The following ESYT1 variants were observed in gnomAD, a reference collection of about 807,000 sequenced individuals.
The protein encoded by ESYT1 is extended synaptotagmin 1, also known as extended synaptotagmin-1.
A neutral mutation model predicts 154.2 loss-of-function variants in ESYT1; 116 were observed. The observed-to-expected ratio is 0.75, with a 90% confidence interval of 0.65 to 0.88. The LOEUF is 0.88. Ranked by LOEUF, ESYT1 falls within the 40% of genes least tolerant of loss-of-function variation. The pLI is 0.00. For synonymous variants in ESYT1, 500 were observed against 539.9 expected (o/e 0.93, Z 1.02); for missense variants, 1,264 against 1,379.3 (o/e 0.92, Z 1.32).
chr12:56,137,708 G>C (rs1446661048), intron 18 of ESYT1, 33 bp downstream of exon 18: 19 of 1,610,156 alleles, frequency 1.2e-5, no homozygotes, highest in African/African-American at 1.3e-5. Flanking sequence ...TCCTGGTTCT[G>C]CCCCATTTTT....
At chr12:56,140,148 G>A (rs757339157) in intron 24 of ESYT1, among the ~76,000 whole-genome samples, 8 of 152,072 alleles carry the variant, frequency 5.3e-5, no homozygotes, top group African/African-American at 1.7e-4. Flanking sequence ...GATTACAAGC[G>A]TGAGAACCGC....
intron 30 of ESYT1, 36 bp downstream of exon 30, chr12:56,143,665 T>G (rs1413597391): frequency 6.2e-7 from 1 of 1,613,708 alleles, no homozygotes; most frequent in Non-Finnish European, 8.5e-7. Context: ...GGTCTGGATA[T>G]TTCAGTGGGA....
Position 56,137,533 on chromosome 12 carries a change from AC to A in ESYT1, c.1975del (p.Leu659Ter). 4 of 1,613,982 alleles carry A rather than the reference AC, an allele frequency of 2.5e-6. No homozygotes were observed. Among genetic ancestry groups the A allele is most frequent in the Non-Finnish European group, 3.4e-6 (4 of 1,179,970 alleles). On this transcript the variant is annotated frameshift_variant, in exon 18 of 31. Transcript: ENST00000394048. LOFTEE classifies it high-confidence loss of function. Reference sequence around the variant, plus strand: ...CGGATCCATGTATTAGAGGCCCAGGACCTGATTGCCAAAGACCGTTTCTTGG... The same window carrying A: ...CGGATCCATGTATTAGAGGCCCAGGACTGATTGCCAAAGACCGTTTCTTGG... ...VLRIHVLEAQDLIAKDRFLGG... is the reference protein window; with the variant it reads ...VLRIHVLEAQXLIAKDRFLGG...
rs755577038 is a variant in ESYT1, at chr12:56,137,479, C to T, written c.1939-20C>T. 3.1e-6 allele frequency: 5 copies of T among 1,605,542 alleles called. No individual in the cohort carries two copies. The East Asian group carries it at 8.9e-5, about 29-fold the overall frequency. ...GTCTCTCTCCCTTTGCCATCTGGCA[C>T]CCCCCCGTCCCTTTTGCAGCATGTG... On this transcript the variant is annotated intron_variant, in intron 17 of 30. Coordinates refer to ENST00000394048, the MANE Select transcript of ESYT1 (RefSeq NM_015292.3).
chr12:56,128,730 C>T (rs994380980), intron 1 of ESYT1, 21 bp downstream of exon 1: 1 of 1,611,802 alleles, frequency 6.2e-7, no homozygotes, highest in African/African-American at 1.3e-5. Context: ...ACCCTCGGTC[C>T]TCTGTGCAGC....
intron 1 of ESYT1, among the ~76,000 whole-genome samples, chr12:56,129,922 T>C (rs1013949717): frequency 6.6e-6 from 1 of 151,988 alleles, no homozygotes; most frequent in African/African-American, 2.4e-5. Context: ...AGGGGACTTT[T>C]TTTTTTTTCT....
At chr12:56,131,671 C>G in intron 6 of ESYT1, 78 bp from the exon 7 acceptor site, 1 of 1,604,000 alleles carries the variant, frequency 6.2e-7, no homozygotes, top group Non-Finnish European at 8.5e-7. Context: ...ACAAGAAGGC[C>G]GAGGGGTTCT....
At position 56,134,435 on chromosome 12, in the gene ESYT1, T is replaced by C. The variant is rs770852361; in HGVS notation, c.1632+7T>C. 4 of 1,612,744 alleles carry C rather than the reference T, an allele frequency of 2.5e-6. No individual in the cohort carries two copies. The highest frequency in any genetic ancestry group is 3.4e-6 in the Non-Finnish European group (4 of 1,178,792). On this transcript the variant is annotated splice_region_variant and intron_variant, in intron 15 of 30. Coordinates refer to ENST00000394048, the MANE Select transcript of ESYT1 (RefSeq NM_015292.3). ...CCAGGAGCTCGATGTGCAAGTGAGATAATCACCTCTTCATCCCCTCCCGAA... is the reference window on the plus strand; with the variant it reads ...CCAGGAGCTCGATGTGCAAGTGAGACAATCACCTCTTCATCCCCTCCCGAA...
rs182354711 is a variant in ESYT1, at chr12:56,137,535, C to T, written c.1975C>T (p.Leu659=). ...GATCCATGTATTAGAGGCCCAGGACCTGATTGCCAAAGACCGTTTCTTGGG... is the reference window on the plus strand; with the variant it reads ...GATCCATGTATTAGAGGCCCAGGACTTGATTGCCAAAGACCGTTTCTTGGG... ...LRIHVLEAQD[L]IAKDRFLGGL... is the part of the protein sequence containing the mutation. The change falls in exon 18 of 31, where the codon CTG becomes TTG. Residue 659 remains leucine (L), a synonymous_variant. Transcript: ENST00000394048. 9.2e-5 allele frequency: 148 copies of T among 1,614,094 alleles called. No individual in the cohort carries two copies. The Admixed American group carries it at 2.3e-3, about 25-fold the overall frequency.
Position 56,142,680 on chromosome 12 carries a change from C to T in ESYT1, c.2836C>T (p.His946Tyr), listed in dbSNP as rs1322833943. The T allele has an allele frequency of 6.2e-7, 1 of 1,614,104 alleles. No homozygotes were observed. The highest frequency in any genetic ancestry group is 1.1e-5 in the South Asian group (1 of 91,086). ...ACCAGAGCTCTCGGGGGGACCCCCTCACATCACCTCCTCAGCCCCAGAGCT... is the reference window on the plus strand; with the variant it reads ...ACCAGAGCTCTCGGGGGGACCCCCTTACATCACCTCCTCAGCCCCAGAGCT... ...EEPELSGGPP[H>Y]ITSSAPELRQ... is the part of the protein sequence containing the mutation. Residue 946 changes from histidine to tyrosine, a missense_variant, in exon 26 of 31, where the codon CAC (histidine) becomes TAC (tyrosine). Transcript: ENST00000394048. This position sits in a 1 kb window ranked among gnomAD's most constrained non-coding sequence, Gnocchi z 4.1.
chr12:56,133,350 G>T, intron 10 of ESYT1, 67 bp from the exon 11 acceptor site: 1 of 1,585,374 alleles, frequency 6.3e-7, no homozygotes, highest in South Asian at 1.1e-5. Flanking sequence ...GAGGGCCACT[G>T]ACATGCTGCT....
At chr12:56,130,244 T>C in intron 1 of ESYT1, 1 of 408,074 alleles carries the variant, frequency 2.5e-6, no homozygotes, top group East Asian at 4.6e-5. Context: ...CAGGATTCCC[T>C]CAAACTCCAA....
In ESYT1 at chr12:56,142,516, C is replaced by T. The variant is rs965482553; in HGVS notation, c.2734-62C>T. On this transcript the variant is annotated intron_variant, in intron 25 of 30. Coordinates refer to ENST00000394048, the MANE Select transcript of ESYT1 (RefSeq NM_015292.3). This position sits in a 1 kb window ranked among gnomAD's most constrained non-coding sequence, Gnocchi z 4.1. ...ACCCAGGAGGGTGGGAACAGAGGGC[C>T]GTGTCCTTAGAGTGAGGGAACTGAG... is the stretch of plus-strand genomic sequence containing the variant. 1.4e-5 allele frequency: 22 copies of T among 1,611,206 alleles called. No homozygotes were observed. The highest frequency in any genetic ancestry group is 2.7e-5 in the African/African-American group (2 of 74,846).
At position 56,142,833 on chromosome 12, in the gene ESYT1, A is replaced by G. The variant is rs1870761907; in HGVS notation, c.2889-2A>G. The G allele has an allele frequency of 6.2e-7, 1 of 1,614,188 alleles. No individual in the cohort carries two copies. Among genetic ancestry groups the G allele is most frequent in the Non-Finnish European group, 8.5e-7 (1 of 1,180,022 alleles). On this transcript the variant is annotated splice_acceptor_variant, in intron 26 of 30. Transcript: ENST00000394048. LOFTEE classifies it high-confidence loss of function. This position sits in a 1 kb window ranked among gnomAD's most constrained non-coding sequence, Gnocchi z 4.1. Reference sequence around the variant, plus strand: ...CCCAGACCTACTGATATTTCTCCACAGTCCCCTTGAGGCTCCAGCCGGGCC... The same window carrying G: ...CCCAGACCTACTGATATTTCTCCACGGTCCCCTTGAGGCTCCAGCCGGGCC...
rs1194945304 is a variant in ESYT1 at position 56,138,043 on chromosome 12, CCA to C, written c.2219_2220del (p.Thr740SerfsTer8). 2 of 1,614,090 alleles carry C rather than the reference CCA, an allele frequency of 1.2e-6. No homozygotes were observed. Among genetic ancestry groups the C allele is most frequent in the South Asian group, 1.1e-5 (1 of 91,088 alleles). ...TTCAACAGGTGTAAAGTGCGTCTCA[CCA>C]CAGTCTTAAACAGTGGCTTCCTTGA... On this transcript the variant is annotated frameshift_variant, in exon 20 of 31. Coordinates refer to ENST00000394048, the MANE Select transcript of ESYT1 (RefSeq NM_015292.3). LOFTEE classifies it high-confidence loss of function.
chr12:56,134,307 G>C (rs567215201), intron 14 of ESYT1, 35 bp from the exon 15 acceptor site: 1 of 1,605,168 alleles, frequency 6.2e-7, no homozygotes, highest in South Asian at 1.1e-5. Context: ...ATGGTGCTGT[G>C]GTATACACCC....
In ESYT1 at chr12:56,142,237, C is replaced by G; in HGVS notation, c.2593-48C>G. The G allele has an allele frequency of 6.2e-7, 1 of 1,604,554 alleles. No homozygotes were observed. Among genetic ancestry groups the G allele is most frequent in the Non-Finnish European group, 8.5e-7 (1 of 1,173,846 alleles). Reference sequence around the variant, plus strand: ...GACCTTTAAAACACCAGGATTAACTCATTTGTTGATGCATTCGCCTCTTGA... The same window carrying G: ...GACCTTTAAAACACCAGGATTAACTGATTTGTTGATGCATTCGCCTCTTGA... On this transcript the variant is annotated intron_variant, in intron 24 of 30. Transcript: ENST00000394048. This position sits in a 1 kb window ranked among gnomAD's most constrained non-coding sequence, Gnocchi z 4.1.
intron 13 of ESYT1, 84 bp from the exon 14 acceptor site, chr12:56,134,026 G>C: frequency 6.3e-7 from 1 of 1,575,936 alleles, no homozygotes; most frequent in Admixed American, 1.7e-5. Flanking sequence ...TCAGGGAAAG[G>C]ATTCTGATGC....
intron 2 of ESYT1, 55 bp from the exon 3 acceptor site, chr12:56,130,736 C>T: frequency 1.6e-5 from 26 of 1,613,246 alleles, no homozygotes; most frequent in Non-Finnish European, 2.1e-5. Context: ...TCTGAAGGAA[C>T]TTGCCTTGAG....
Sources: allele counts gnomAD v4.1 joint callset (sites outside exome capture counted in the v4.1 genomes callset), GRCh38; gene constraint gnomAD v4.1.1; non-coding constraint Gnocchi (gnomAD v3.1); transcripts MANE v1.5; gene names NCBI Gene and HGNC (gene_info 2026-07-23, HGNC 2026-07-21).